The following CHD9 variants were observed in gnomAD, a reference collection of about 807,000 sequenced individuals.
The protein encoded by CHD9 is chromodomain helicase DNA binding protein 9, also known as ATP-dependent chromatin remodeler CHD9.
Under a neutral mutation model 316.1 loss-of-function variants are expected in CHD9, and 77 were observed. That is an observed-to-expected ratio of 0.24 (90% CI 0.20 to 0.29). The LOEUF is 0.29. Ranked by LOEUF, CHD9 falls within the 10% of genes least tolerant of loss-of-function variation. The pLI is 1.00. For synonymous variants in CHD9, 1,129 were observed against 1,158.3 expected (o/e 0.97, Z 0.51); for missense variants, 2,763 against 3,438.1 (o/e 0.80, Z 4.91).
At chr16:53,305,281 G>A (rs754012012) in intron 31 of CHD9, among the ~76,000 whole-genome samples, 6 of 149,272 alleles carry the variant, frequency 4.0e-5, no homozygotes, top group African/African-American at 7.4e-5. Context: ...GGCTGGTCTC[G>A]AACTCCTGAC....
At chr16:53,160,673 G>A (rs918331402) in intron 2 of CHD9, among the ~76,000 whole-genome samples, 1 of 152,106 alleles carries the variant, frequency 6.6e-6, no homozygotes, top group Non-Finnish European at 1.5e-5. Context: ...TTGGGAGGCC[G>A]CGGTGGGTGG....
At chr16:53,158,350 A>G (rs940760945) in intron 2 of CHD9, among the ~76,000 whole-genome samples, 4 of 152,232 alleles carry the variant, frequency 2.6e-5, no homozygotes, top group Non-Finnish European at 4.4e-5. Context: ...AAAGATTTTG[A>G]ACACTAACAT....
intron 3 of CHD9, among the ~76,000 whole-genome samples, chr16:53,216,991 G>T (rs2046812669): frequency 6.6e-6 from 1 of 152,044 alleles, no homozygotes; most frequent in South Asian, 2.1e-4. Flanking sequence ...TCAAAACCAG[G>T]AAATAAACAT....
chr16:53,247,323 G>A lies in CHD9; in HGVS notation c.3485G>A (p.Arg1162Lys). The A allele has an allele frequency of 6.2e-7, 1 of 1,603,526 alleles. No individual in the cohort carries two copies. The highest frequency in any genetic ancestry group is 8.5e-7 in the Non-Finnish European group (1 of 1,174,252). Residue 1162 changes from arginine (R) to lysine (K), a missense_variant, in exon 16 of 39, where the codon AGA becomes AAA. This residue lies in a region of CHD9 where 155 missense variants were observed against 291.8 expected (regional missense o/e 0.53). Transcript: ENST00000447540. ...GAGGAGAAAATACTTGGAGAATTTA[G>A]AGATACTTACAATCCAGCTGCTTCT... ...GAEEKILGEF[R>K]DTYNPAASDF...
chr16:53,232,582 G>C (rs1445222029), intron 10 of CHD9, among the ~76,000 whole-genome samples: 2 of 152,066 alleles, frequency 1.3e-5, no homozygotes, highest in African/African-American at 2.4e-5. Context: ...GTATACTGCT[G>C]TTAAATAAAA....
intron 1 of CHD9, among the ~76,000 whole-genome samples, chr16:53,095,857 A>T (rs997737625): frequency 1.3e-5 from 2 of 152,176 alleles, no homozygotes; most frequent in African/African-American, 4.8e-5. Flanking sequence ...AATCCCAGTA[A>T]CAACAAACAT....
At chr16:53,171,156 T>A (rs1403674572) in intron 2 of CHD9, among the ~76,000 whole-genome samples, 1 of 152,162 alleles carries the variant, frequency 6.6e-6, no homozygotes, top group Non-Finnish European at 1.5e-5. Context: ...ACACCTGTAA[T>A]CCTAGCACTT....
At chr16:53,321,340 T>G in intron 37 of CHD9, 186 bp from the exon 38 acceptor site, 1 of 1,380,464 alleles carries the variant, frequency 7.2e-7, no homozygotes, top group Non-Finnish European at 9.4e-7. Context: ...TTATCACATA[T>G]TTATATATTA....
rs1413066577 is a variant in CHD9 at position 53,222,737 on chromosome 16, A to G, written c.1878A>G (p.Leu626=). 2 of 1,539,888 alleles carry G rather than the reference A, an allele frequency of 1.3e-6. No individual in the cohort carries two copies. Among genetic ancestry groups the G allele is most frequent in the South Asian group, 2.4e-5 (2 of 83,442 alleles). Residue 626 remains leucine, a synonymous_variant, in exon 4 of 39, where the codon TTA becomes TTG. Coordinates refer to ENST00000447540, the MANE Select transcript of CHD9 (RefSeq NM_001308319.2). ...SDAEQMPQHT[L]KDQDSQKRRS... is the part of the protein sequence containing the mutation. ...CAGAACAGATGCCACAGCATACATT[A>G]AAAGATCAAGACTCTCAAGTGAGTA...
At chr16:53,164,343 G>A (rs1253623426) in intron 2 of CHD9, among the ~76,000 whole-genome samples, 1 of 152,118 alleles carries the variant, frequency 6.6e-6, no homozygotes, top group Admixed American at 6.6e-5. Context: ...GGAGATGGAG[G>A]CAAGAGGATC....
rs570366903 is a variant in CHD9 at position 53,205,768 on chromosome 16, A to G, written c.1453-3714A>G. 2.6e-5 allele frequency among the ~76,000 whole-genome samples: 4 copies of G among 152,282 alleles called. No individual in the cohort carries two copies. The South Asian group carries it at 8.3e-4, about 32-fold the overall frequency. The stretch of plus-strand genomic sequence containing the variant: ...TCTTTGAATAGTGTCAGTGAATTAT[A>G]AGGGTAATGGAAGAAAACAGCAGGA... On this transcript the variant is annotated intron_variant, in intron 2 of 38. Transcript: ENST00000447540.
intron 2 of CHD9, among the ~76,000 whole-genome samples, chr16:53,164,129 T>C (rs2042109839): frequency 6.6e-6 from 1 of 152,242 alleles, no homozygotes; most frequent in Non-Finnish European, 1.5e-5. Flanking sequence ...ATGTACTAAA[T>C]GATTTCTTCC....
At chr16:53,313,478 G>A (rs1179388624) in intron 34 of CHD9, among the ~76,000 whole-genome samples, 1 of 151,860 alleles carries the variant, frequency 6.6e-6, no homozygotes, top group Non-Finnish European at 1.5e-5. Context: ...GCTAATTTTT[G>A]TATTTTTAGT....
chr16:53,069,432 C>T (rs531770780), intron 1 of CHD9, among the ~76,000 whole-genome samples: 119 of 152,218 alleles, frequency 7.8e-4, no homozygotes, highest in Non-Finnish European at 1.4e-3. Flanking sequence ...ACTCCCCTTC[C>T]CCCTTAACCC....
chr16:53,202,227 C>T (rs1333743392), intron 2 of CHD9, among the ~76,000 whole-genome samples: 1 of 152,108 alleles, frequency 6.6e-6, no homozygotes, highest in Non-Finnish European at 1.5e-5. Context: ...AACCATAATT[C>T]TCATATAATC....
chr16:53,304,458 C>T lies in CHD9; in HGVS notation c.6452C>T (p.Ser2151Leu). The change falls in exon 31 of 39, where the codon TCA becomes TTA. Residue 2151 changes from serine to leucine, a missense_variant. Transcript: ENST00000447540. ...SSCSSRSSSS[S>L]SSSSCSHSRS... is the part of the protein sequence containing the mutation. ...TGTTCTTCCAGATCATCTTCTTCCT[C>T]ATCATCCTCTTCTTGCTCCCACTCT... 2.5e-6 allele frequency: 4 copies of T among 1,573,670 alleles called. No individual in the cohort carries two copies. The highest frequency in any genetic ancestry group is 3.4e-6 in the Non-Finnish European group (4 of 1,159,538).
chr16:53,293,346 G>A (rs1462466439), intron 29 of CHD9, among the ~76,000 whole-genome samples: 1 of 152,172 alleles, frequency 6.6e-6, no homozygotes, highest in Non-Finnish European at 1.5e-5. Context: ...TGGGCACAGT[G>A]GCTAATGCCT....
chr16:53,191,523 TAC>T (rs2044479269), intron 2 of CHD9, among the ~76,000 whole-genome samples: 2 of 152,148 alleles, frequency 1.3e-5, no homozygotes, highest in African/African-American at 4.8e-5. Context: ...AACGTTATCA[TAC>T]AGTTTGTAGC....
rs765710265 is a variant in CHD9, at chr16:53,209,822, G to A, written c.1784+9G>A. 1.3e-6 allele frequency: 2 copies of A among 1,520,454 alleles called. No homozygotes were observed. The highest frequency in any genetic ancestry group is 2.2e-5 in the Admixed American group (1 of 45,832). 94.2% of individuals were successfully genotyped at this position (1,520,454 alleles called of 1,614,324 possible). ...GAGAAGACAAAAATTGGGTAAGTTGGTTAAGAATTAAATTTAATTCCTTTC... is the reference window on the plus strand; with the variant it reads ...GAGAAGACAAAAATTGGGTAAGTTGATTAAGAATTAAATTTAATTCCTTTC... On this transcript the variant is annotated intron_variant, in intron 3 of 38. Transcript: ENST00000447540.
Sources: allele counts gnomAD v4.1 joint callset (sites outside exome capture counted in the v4.1 genomes callset), GRCh38; gene constraint gnomAD v4.1.1; regional missense constraint gnomAD v4.1.1; transcripts MANE v1.5; gene names NCBI Gene and HGNC (gene_info 2026-07-23, HGNC 2026-07-21).